The following EIF2S1 variants were observed in gnomAD, a reference collection of about 807,000 sequenced individuals.
EIF2S1 encodes eukaryotic translation initiation factor 2 subunit 1.
In EIF2S1, 5 loss-of-function variants were observed where a neutral mutation model predicts 33.5. The observed-to-expected ratio is 0.15, with a 90% CI of 0.08 to 0.31. The LOEUF (loss-of-function observed/expected upper bound fraction) is 0.31, where lower values mean the gene tolerates loss of function less well. Ranked by LOEUF, EIF2S1 falls within the 10% of genes least tolerant of loss-of-function variation. EIF2S1 has a pLI of 1.00. For synonymous variants in EIF2S1, 99 were observed against 127.5 expected (o/e 0.78, Z 1.51); for missense variants, 191 against 384.6 (o/e 0.50, Z 4.21).
At chr14:67,361,602 G>A (rs2085741745) in intron 1 of EIF2S1, among the ~76,000 whole-genome samples, 2 of 152,182 alleles carry the variant, frequency 1.3e-5, no homozygotes. Context: ...ATCCATTATA[G>A]CAGTTTGACC....
chr14:67,364,649 A>G, intron 1 of EIF2S1, 118 bp from the exon 2 acceptor site: 1 of 1,037,708 alleles, frequency 9.6e-7, no homozygotes, highest in Admixed American at 3.0e-5. Context: ...TGAGAAGACT[A>G]AGACTAATAA....
At position 67,386,044 on chromosome 14, in the gene EIF2S1, A is replaced by G. The variant is rs1052015088; in HGVS notation, c.*2604A>G. The G allele has an allele frequency of 1.3e-5, 2 of 152,276 alleles. No individual in the cohort carries two copies. The highest frequency in any genetic ancestry group is 4.8e-5 in the African/African-American group (2 of 41,442). The allele number at this position is 152,276 out of a possible 1,614,324, so 9.4% of individuals were successfully genotyped here. A position where few individuals can be genotyped will look rare whatever the true frequency, so the allele number is the denominator to read the frequency against. Reference sequence around the variant, plus strand: ...GTAATGGTCATCTACTTTGCAACCTATGGAGATCCTGATAGCTCCCATACA... The same window carrying G: ...GTAATGGTCATCTACTTTGCAACCTGTGGAGATCCTGATAGCTCCCATACA... On this transcript the variant is annotated 3_prime_UTR_variant, in exon 8 of 8. Coordinates refer to ENST00000256383, the MANE Select transcript of EIF2S1 (RefSeq NM_004094.5).
At chr14:67,362,293 T>G (rs572270784) in intron 1 of EIF2S1, among the ~76,000 whole-genome samples, 1 of 152,268 alleles carries the variant, frequency 6.6e-6, no homozygotes, top group South Asian at 2.1e-4. Context: ...GTGCTGGGAT[T>G]ACAGGTGTGA....
chr14:67,370,318 G>T (rs2085812252), intron 2 of EIF2S1, among the ~76,000 whole-genome samples: 1 of 152,218 alleles, frequency 6.6e-6, no homozygotes, highest in Admixed American at 6.5e-5. Context: ...ATTTTAGGGG[G>T]CTTTCTCCCA....
chr14:67,378,509 A>T (rs1476771667), intron 4 of EIF2S1, among the ~76,000 whole-genome samples: 1 of 152,174 alleles, frequency 6.6e-6, no homozygotes, highest in Non-Finnish European at 1.5e-5. Flanking sequence ...CAAATCATAG[A>T]GCCAGGCAGT....
chr14:67,383,549 T>A lies in EIF2S1; in HGVS notation c.*109T>A. The A allele has an allele frequency of 2.0e-6, 3 of 1,463,802 alleles. No homozygotes were observed. Among genetic ancestry groups the A allele is most frequent in the Non-Finnish European group, 2.8e-6 (3 of 1,075,870 alleles). 90.7% of individuals were successfully genotyped at this position (1,463,802 alleles called of 1,614,324 possible). A position where few individuals can be genotyped will look rare whatever the true frequency, so the allele number is the denominator to read the frequency against. On this transcript the variant is annotated 3_prime_UTR_variant, in exon 8 of 8. Transcript: ENST00000256383. Reference sequence around the variant, plus strand: ...TTGAAAACTTCAAAGCTGAATATTTTTTATTTCTAAGTATTTAAATGTTCT... The same window carrying A: ...TTGAAAACTTCAAAGCTGAATATTTATTATTTCTAAGTATTTAAATGTTCT...
intron 4 of EIF2S1, among the ~76,000 whole-genome samples, chr14:67,378,124 TAAAA>T (rs750515236): frequency 6.7e-5 from 9 of 134,258 alleles, no homozygotes; most frequent in African/African-American, 2.2e-4. Flanking sequence ...CCTTGTCTCT[TAAAA>T]AAAAAAAAAA....
intron 2 of EIF2S1, among the ~76,000 whole-genome samples, chr14:67,369,642 G>A (rs187113318): frequency 5.9e-4 from 90 of 152,286 alleles, no homozygotes; most frequent in Middle Eastern, 6.8e-3. Context: ...CACACTGGAA[G>A]TAATTTTGAA....
In EIF2S1 at chr14:67,385,716, C is replaced by T. The variant is rs1303287077; in HGVS notation, c.*2276C>T. The T allele has an allele frequency of 7.3e-6, 1 of 136,272 alleles. No homozygotes were observed. The allele number at this position is 136,272 out of a possible 1,614,324, so 8.4% of individuals were successfully genotyped here. A position where few individuals can be genotyped will look rare whatever the true frequency, so the allele number is the denominator to read the frequency against. The stretch of plus-strand genomic sequence containing the variant: ...ATATTGCCTGGGCAGGTCTCGAAAT[C>T]CTGGGCTCAAGCTATCCTCCTGCCT... On this transcript the variant is annotated 3_prime_UTR_variant, in exon 8 of 8. Transcript: ENST00000256383.
intron 1 of EIF2S1, among the ~76,000 whole-genome samples, chr14:67,362,825 T>C (rs1286048481): frequency 6.6e-6 from 1 of 152,246 alleles, no homozygotes; most frequent in African/African-American, 2.4e-5. Context: ...CAGGTTTTTG[T>C]GGTATGGATT....
intron 5 of EIF2S1, 147 bp from the exon 6 acceptor site, chr14:67,381,446 C>G (rs66851210): frequency 2.6e-4 from 139 of 530,658 alleles, no homozygotes; most frequent in Admixed American, 1.1e-3. Context: ...CCTTGCCTCC[C>G]TTTTATAAAT....
chr14:67,373,319 A>T (rs1389990115), intron 2 of EIF2S1, among the ~76,000 whole-genome samples: 1 of 152,216 alleles, frequency 6.6e-6, no homozygotes, highest in East Asian at 1.9e-4. Context: ...ATTTTACTAT[A>T]TGTAAGTCAT....
At chr14:67,376,302 A>T (rs2141143580) in intron 3 of EIF2S1, 137 bp from the exon 4 acceptor site, 1 of 866,128 alleles carries the variant, frequency 1.2e-6, no homozygotes, top group Non-Finnish European at 1.7e-6. Flanking sequence ...ATACCCACTT[A>T]AAGTGAGTAT....
chr14:67,362,842 G>A (rs897918883), intron 1 of EIF2S1, among the ~76,000 whole-genome samples: 1 of 152,046 alleles, frequency 6.6e-6, no homozygotes, highest in Non-Finnish European at 1.5e-5. Flanking sequence ...GATTCTTTTT[G>A]TACTTAACTA....
At chr14:67,378,679 A>G (rs1595649530) in intron 4 of EIF2S1, among the ~76,000 whole-genome samples, 1 of 152,082 alleles carries the variant, frequency 6.6e-6, no homozygotes, top group East Asian at 1.9e-4. Flanking sequence ...AGTTCCAGCA[A>G]CCCCTTGTTA....
At chr14:67,370,003 A>C (rs2085808954) in intron 2 of EIF2S1, among the ~76,000 whole-genome samples, 1 of 152,230 alleles carries the variant, frequency 6.6e-6, no homozygotes, top group Admixed American at 6.5e-5. Context: ...TATTAACAGC[A>C]AACCAGTCAT....
In EIF2S1 at chr14:67,376,466, G is replaced by C; in HGVS notation, c.349G>C (p.Glu117Gln). The change falls in exon 4 of 8, where the codon GAG (glutamate) becomes CAG (glutamine). Residue 117 changes from glutamate (E) to glutamine (Q), a missense_variant. Coordinates refer to ENST00000256383, the MANE Select transcript of EIF2S1 (RefSeq NM_004094.5). ...TVYSILRHVAEVLEYTKDEQL... is the reference protein window; with the variant it reads ...TVYSILRHVAQVLEYTKDEQL... ...TTATAGCATTCTTCGTCATGTTGCT[G>C]AGGTGTTAGAATACACCAAGGATGA... is the stretch of plus-strand genomic sequence containing the variant. 1 of 1,612,696 alleles carries C rather than the reference G, an allele frequency of 6.2e-7. No individual in the cohort carries two copies. Among genetic ancestry groups the C allele is most frequent in the Non-Finnish European group, 8.5e-7 (1 of 1,179,254 alleles).
intron 7 of EIF2S1, 138 bp downstream of exon 7, chr14:67,382,728 G>C: frequency 1.0e-6 from 1 of 958,032 alleles, no homozygotes; most frequent in Admixed American, 2.1e-5. Flanking sequence ...AATGGTGTTA[G>C]GGTCACCCCC....
At chr14:67,361,863 C>A (rs1015097348) in intron 1 of EIF2S1, among the ~76,000 whole-genome samples, 2 of 152,146 alleles carry the variant, frequency 1.3e-5, no homozygotes. Flanking sequence ...AGCATTTGTT[C>A]TTAAGGAAGT....
Sources: allele counts gnomAD v4.1 joint callset (sites outside exome capture counted in the v4.1 genomes callset), GRCh38; gene constraint gnomAD v4.1.1; transcripts MANE v1.5; gene names NCBI Gene and HGNC (gene_info 2026-07-23, HGNC 2026-07-21).